NHS: variants seen among roughly 807,000 people sequenced by gnomAD.
The protein encoded by NHS is actin remodeling regulator NHS.
A neutral mutation model predicts 72.5 loss-of-function variants in NHS; 5 were observed. The ratio of observed to expected loss-of-function variants is 0.07; its 90% CI spans 0.04 to 0.14. NHS has a LOEUF of 0.14. Among genes scored for constraint, NHS ranks in the 10% least tolerant of loss-of-function variants. The probability of loss-of-function intolerance (pLI) is 1.00; values close to 1 mark genes in which losing one functional copy is unlikely to be tolerated. For missense variants in NHS, 1,072 were observed against 1,355.7 expected, an observed-to-expected ratio of 0.79 and a Z score of 3.29; for synonymous variants, 464 against 547.7, an observed-to-expected ratio of 0.85 and a Z score of 2.13.
intron 1 of NHS, among the ~76,000 whole-genome samples, chrX:17,549,499 T>A (rs1451493240): frequency 9.0e-6 from 1 of 111,403 alleles, no homozygotes; most frequent in African/African-American, 3.3e-5. Flanking sequence ...CTGTTTCTGT[T>A]TAGAGGTTTT....
chrX:17,410,369 C>T (rs1304748248), intron 1 of NHS, among the ~76,000 whole-genome samples: 3 of 110,594 alleles, frequency 2.7e-5, no homozygotes, highest in African/African-American at 6.6e-5. Context: ...TTAAGCATGG[C>T]GAGTTGATGA....
At chrX:17,478,905 T>A (rs1321167526) in intron 1 of NHS, among the ~76,000 whole-genome samples, 1 of 111,766 alleles carries the variant, frequency 8.9e-6, no homozygotes, top group Non-Finnish European at 1.9e-5. Flanking sequence ...TTAATTTTAT[T>A]TGAATTTTTT....
At chrX:17,529,174 G>A (rs2065186987) in intron 1 of NHS, among the ~76,000 whole-genome samples, 1 of 111,228 alleles carries the variant, frequency 9.0e-6, no homozygotes, top group East Asian at 2.8e-4. Context: ...TGCTATATAA[G>A]CTGAAATGCT....
At chrX:17,606,559 T>C (rs1318876056) in intron 1 of NHS, among the ~76,000 whole-genome samples, 1 of 112,006 alleles carries the variant, frequency 8.9e-6, no homozygotes, top group Non-Finnish European at 1.9e-5. Flanking sequence ...CCCTGTTGAT[T>C]TATTGTGTTT....
chrX:17,529,377 G>A (rs185828392), intron 1 of NHS, among the ~76,000 whole-genome samples: 1 of 111,958 alleles, frequency 8.9e-6, no homozygotes, highest in African/African-American at 3.2e-5. Context: ...ACAGAAAAGT[G>A]CATGTACATA....
At chrX:17,723,766 T>TGA (rs1360570220) in intron 5 of NHS, among the ~76,000 whole-genome samples, 1 of 97,713 alleles carries the variant, frequency 1.0e-5, no homozygotes, top group Admixed American at 1.0e-4. Flanking sequence ...TGTGTGTGTG[T>TGA]GTGTGCGCGC....
Position 17,733,989 on chromosome X carries a change from C to G in NHS, c.*1525C>G, listed in dbSNP as rs1428155957. On this transcript the variant is annotated 3_prime_UTR_variant, in exon 9 of 9. Transcript: ENST00000676302. ...AAATCTGCAAATGGTTTTTACACCTCTGATTTTAACATGAACTTATACTAA... is the reference window on the plus strand; with the variant it reads ...AAATCTGCAAATGGTTTTTACACCTGTGATTTTAACATGAACTTATACTAA... The G allele has an allele frequency of 8.9e-6, 1 of 112,584 alleles. No individual in the cohort carries two copies. Among genetic ancestry groups the G allele is most frequent in the African/African-American group, 3.2e-5 (1 of 30,873 alleles). The allele number at this position is 112,584 out of a possible 1,213,427, so 9.3% of individuals were successfully genotyped here.
rs375595841 is a variant in NHS at position 17,451,224 on chromosome X, C to T, written c.565+74902C>T. On this transcript the variant is annotated intron_variant, in intron 1 of 8. Coordinates refer to ENST00000676302, the MANE Select transcript of NHS (RefSeq NM_001291867.2). ...ACTAGAAAAGCTAACATTACATGTG[C>T]GACTCATATTGTATTTCTGTTTGTT... 2.6e-4 allele frequency among the ~76,000 whole-genome samples: 29 copies of T among 111,882 alleles called. No individual in the cohort carries two copies. The East Asian group carries it at 8.1e-3, about 31-fold the overall frequency.
chrX:17,444,180 T>G (rs1250123234), intron 1 of NHS, among the ~76,000 whole-genome samples: 1 of 111,769 alleles, frequency 8.9e-6, no homozygotes, highest in Non-Finnish European at 1.9e-5. Flanking sequence ...GGAAACTCAT[T>G]GTGTGCAAGC....
chrX:17,693,434 G>A (rs1412884658), intron 3 of NHS, among the ~76,000 whole-genome samples: 1 of 112,129 alleles, frequency 8.9e-6, no homozygotes, highest in African/African-American at 3.2e-5. Flanking sequence ...AAGACCCAAA[G>A]TCTAAAGAAG....
At chrX:17,551,483 C>G (rs1212418967) in intron 1 of NHS, among the ~76,000 whole-genome samples, 1 of 111,995 alleles carries the variant, frequency 8.9e-6, no homozygotes, top group Admixed American at 9.4e-5. Flanking sequence ...ATGGCTGCAC[C>G]TAGGCTGGCC....
At chrX:17,637,960 G>A (rs1190062578) in intron 1 of NHS, among the ~76,000 whole-genome samples, 1 of 112,149 alleles carries the variant, frequency 8.9e-6, no homozygotes, top group Non-Finnish European at 1.9e-5. Context: ...AGGCTTACCA[G>A]GGATAGGATG....
chrX:17,554,095 A>T (rs2065352383), intron 1 of NHS, among the ~76,000 whole-genome samples: 1 of 112,303 alleles, frequency 8.9e-6, no homozygotes, highest in South Asian at 3.7e-4. Flanking sequence ...AGCTAAGGAG[A>T]AGAGTGCCTT....
At chrX:17,406,799 C>T (rs1416597651) in intron 1 of NHS, among the ~76,000 whole-genome samples, 1 of 111,904 alleles carries the variant, frequency 8.9e-6, no homozygotes, top group Non-Finnish European at 1.9e-5. Context: ...AAGATGAAGG[C>T]TATAGTTTCC....
In NHS at chrX:17,446,974, C is replaced by T. The variant is rs1045650531; in HGVS notation, c.565+70652C>T. ...TTTTTTGCATGAACTTTATGAGTTG[C>T]TTCAGCTTTCACTGTCATAAAAATG... On this transcript the variant is annotated intron_variant, in intron 1 of 8. Transcript: ENST00000676302. Among the ~76,000 whole-genome samples the T allele has an allele frequency of 3.6e-5, 4 of 111,793 alleles. No individual in the cohort carries two copies. The East Asian group carries it at 1.1e-3, about 31-fold the overall frequency.
chrX:17,472,311 A>AAG lies in NHS; in HGVS notation c.565+96005_565+96006dup, dbSNP rs762453516. On this transcript the variant is annotated intron_variant, in intron 1 of 8. Transcript: ENST00000676302. ...GGCAAGATAGGTAGATAGATACTGA[A>AAG]AGAGAGAGAGAGAGAGACAGAGAGA... Among the ~76,000 whole-genome samples the AAG allele has an allele frequency of 6.2e-3, 673 of 109,100 alleles. 10 individuals are homozygous for AAG. The highest frequency in any genetic ancestry group is 0.021 in the African/African-American group (626 of 30,086). The allele number at this position is 109,100 out of a possible 115,157, so 94.7% of individuals were successfully genotyped here. A position where few individuals can be genotyped will look rare whatever the true frequency, so the allele number is the denominator to read the frequency against.
At chrX:17,409,525 C>T (rs958269537) in intron 1 of NHS, among the ~76,000 whole-genome samples, 1 of 111,119 alleles carries the variant, frequency 9.0e-6, no homozygotes, top group African/African-American at 3.3e-5. Flanking sequence ...TGACAATAAA[C>T]ATCTCCCAAA....
intron 1 of NHS, among the ~76,000 whole-genome samples, chrX:17,441,039 C>T (rs1048554572): frequency 8.9e-6 from 1 of 111,977 alleles, no homozygotes; most frequent in Admixed American, 9.4e-5. Context: ...CTGCCCCTCA[C>T]CCACCACTCC....
chrX:17,531,287 C>T (rs2065197328), intron 1 of NHS, among the ~76,000 whole-genome samples: 1 of 107,698 alleles, frequency 9.3e-6, no homozygotes, highest in Non-Finnish European at 1.9e-5. Context: ...CAGTTCTTCC[C>T]CTGGTGCCCC....
Sources: gnomAD v4.1 joint callset for allele counts (sites outside exome capture counted in the v4.1 genomes callset) on GRCh38, gnomAD v4.1.1 for gene constraint, MANE v1.5 for transcripts, NCBI Gene and HGNC (gene_info 2026-07-23, HGNC 2026-07-21) for gene names.